The following ARMH3 variants were observed in gnomAD, a reference collection of about 807,000 sequenced individuals.
The protein encoded by ARMH3 is armadillo-like helical domain-containing protein 3.
In ARMH3, 60 loss-of-function variants were observed where a neutral mutation model predicts 99.1. That is an observed-to-expected ratio of 0.61 (90% CI 0.49 to 0.75). The LOEUF (loss-of-function observed/expected upper bound fraction) is 0.75, where lower values mean the gene tolerates loss of function less well. ARMH3 is among the 30% of genes least tolerant of loss of function. The probability of loss-of-function intolerance (pLI) is 0.00; values close to 1 mark genes in which losing one functional copy is unlikely to be tolerated. For missense variants in ARMH3, 679 were observed against 843.1 expected (o/e 0.81, Z 2.41); for synonymous variants, 285 against 292.8 (o/e 0.97, Z 0.27).
Position 102,033,312 on chromosome 10 carries a change from G to A in ARMH3, c.130C>T (p.Arg44Trp), listed in dbSNP as rs748300414. Residue 44 changes from arginine (R) to tryptophan (W), a missense_variant, in exon 3 of 26, where the codon CGG becomes TGG. This residue lies in a region of ARMH3 where 280 missense variants were observed against 354.6 expected (regional missense o/e 0.79). Transcript: ENST00000370033. ...MTEDPSKCSP[R>W]FWEELFLMKV... ...ATGAGAAAGAGCTCCTCCCAAAACC[G>A]AGGACTGCACTTACTGGGGTCCTCT... 5.0e-5 allele frequency: 81 copies of A among 1,613,960 alleles called. 1 individual carries two copies. Among genetic ancestry groups the A allele is most frequent in the Non-Finnish European group, 5.9e-5 (70 of 1,180,018 alleles).
intron 1 of ARMH3, among the ~76,000 whole-genome samples, chr10:102,052,866 T>C (rs2067740138): frequency 6.6e-6 from 1 of 152,128 alleles, no homozygotes; most frequent in Admixed American, 6.6e-5. Context: ...CATCGGTACA[T>C]CCTACAAGCA....
chr10:101,894,714 T>C (rs1471534921), intron 23 of ARMH3, among the ~76,000 whole-genome samples: 1 of 151,958 alleles, frequency 6.6e-6, no homozygotes, highest in Non-Finnish European at 1.5e-5. Context: ...TTCTGGGAGA[T>C]TCTAACAGTA....
chr10:101,859,436 AG>A, intron 24 of ARMH3, among the ~76,000 whole-genome samples: 1 of 152,218 alleles, frequency 6.6e-6, no homozygotes, highest in Non-Finnish European at 1.5e-5. Flanking sequence ...CCTGAAAGGC[AG>A]ATTCTTCAAG....
chr10:102,023,628 T>C (rs371354259), intron 7 of ARMH3, 47 bp downstream of exon 7: 142 of 1,610,128 alleles, frequency 8.8e-5, no homozygotes, highest in Admixed American at 6.7e-4. Flanking sequence ...CAGAGAAAAT[T>C]TGAAGAGGTG....
At chr10:102,005,358 A>G (rs1001841488) in intron 14 of ARMH3, among the ~76,000 whole-genome samples, 6 of 149,332 alleles carry the variant, frequency 4.0e-5, no homozygotes, top group Admixed American at 2.0e-4. Context: ...ACTCTAGCCT[A>G]AATGACAGCA....
chr10:101,919,813 C>T (rs764594920), intron 23 of ARMH3, among the ~76,000 whole-genome samples: 1 of 152,130 alleles, frequency 6.6e-6, no homozygotes, highest in Non-Finnish European at 1.5e-5. Context: ...TCCTTCAAAC[C>T]TTTTACTCTA....
At chr10:101,921,381 C>T (rs1843299761) in intron 23 of ARMH3, among the ~76,000 whole-genome samples, 2 of 152,116 alleles carry the variant, frequency 1.3e-5, no homozygotes, top group Admixed American at 1.3e-4. Flanking sequence ...CATGAGGGAA[C>T]TTTCTAGGTT....
intron 8 of ARMH3, among the ~76,000 whole-genome samples, chr10:102,020,847 CAAA>C (rs1332174201): frequency 1.0e-4 from 7 of 67,586 alleles, no homozygotes; most frequent in Non-Finnish European, 5.9e-5. Context: ...GACTCTGTCT[CAAA>C]AAAAAAAAAA....
chr10:102,007,587 G>A (rs778493552), intron 13 of ARMH3, among the ~76,000 whole-genome samples: 15 of 148,672 alleles, frequency 1.0e-4, no homozygotes, highest in East Asian at 5.9e-4. Flanking sequence ...TTGGGAGGCC[G>A]AGGCAGATGG....
intron 24 of ARMH3, among the ~76,000 whole-genome samples, chr10:101,854,692 A>G (rs1186614663): frequency 3.3e-5 from 5 of 152,178 alleles, no homozygotes; most frequent in African/African-American, 1.2e-4. Flanking sequence ...CATCAAGAAC[A>G]TAGGATTGAG....
chr10:101,948,036 A>G (rs1844626781), intron 22 of ARMH3, among the ~76,000 whole-genome samples: 2 of 152,152 alleles, frequency 1.3e-5, no homozygotes, highest in Admixed American at 6.5e-5. Context: ...GCAGGTACAG[A>G]AGAGCCAAAA....
chr10:101,941,073 G>A (rs995569628), intron 22 of ARMH3, among the ~76,000 whole-genome samples: 2 of 152,190 alleles, frequency 1.3e-5, no homozygotes, highest in African/African-American at 4.8e-5. Flanking sequence ...AGACTCAGAG[G>A]AGACAAGTAC....
intron 25 of ARMH3, among the ~76,000 whole-genome samples, chr10:101,848,509 T>A (rs568661620): frequency 6.6e-6 from 1 of 152,286 alleles, no homozygotes; most frequent in South Asian, 2.1e-4. Flanking sequence ...GAGGAGAGTG[T>A]GTCTGCCCTG....
intron 1 of ARMH3, among the ~76,000 whole-genome samples, chr10:102,043,992 C>CT (rs1273829895): frequency 1.3e-5 from 2 of 152,108 alleles, no homozygotes; most frequent in African/African-American, 4.8e-5. Context: ...TCTCGGCTCA[C>CT]TGCAACCTCC....
chr10:101,888,075 A>G (rs1367376744), intron 24 of ARMH3, among the ~76,000 whole-genome samples: 4 of 146,590 alleles, frequency 2.7e-5, no homozygotes, highest in African/African-American at 1.0e-4. Context: ...TTTTTTTTTA[A>G]AAAAAAAAAA....
intron 23 of ARMH3, among the ~76,000 whole-genome samples, chr10:101,894,653 C>T (rs1368096560): frequency 3.9e-5 from 6 of 152,160 alleles, no homozygotes; most frequent in Non-Finnish European, 4.4e-5. Context: ...TCACTGATAG[C>T]ACCTCCAAAA....
Position 102,033,520 on chromosome 10 carries a change from G to A in ARMH3, c.103-181C>T, listed in dbSNP as rs910383084. On this transcript the variant is annotated intron_variant, in intron 2 of 25. Coordinates refer to ENST00000370033, the MANE Select transcript of ARMH3 (RefSeq NM_024541.3). The stretch of plus-strand genomic sequence containing the variant: ...GCAGGCTCCGCCCCCCAGGGTTCAC[G>A]CCATTCCCCCGCCTCAGCCTCCTGA... 10 of 609,694 alleles carry A rather than the reference G, an allele frequency of 1.6e-5. No homozygotes were observed. The East Asian group carries it at 1.8e-4, about 11-fold the overall frequency. The allele number at this position is 609,694 out of a possible 1,614,324, so 37.8% of individuals were successfully genotyped here.
chr10:101,910,827 GT>G (rs931699398), intron 23 of ARMH3, among the ~76,000 whole-genome samples: 10 of 145,436 alleles, frequency 6.9e-5, no homozygotes, highest in African/African-American at 1.3e-4. Flanking sequence ...ACACATTCAG[GT>G]TTTTTTTTTG....
At chr10:102,053,551 C>T (rs77707352) in intron 1 of ARMH3, among the ~76,000 whole-genome samples, 7,442 of 152,046 alleles carry the variant, frequency 0.049, 197 homozygotes, top group Middle Eastern at 0.095. Flanking sequence ...CCTTTTCTTA[C>T]TTGTGCAATC....
Sources: gnomAD v4.1 joint callset for allele counts (sites outside exome capture counted in the v4.1 genomes callset) on GRCh38, gnomAD v4.1.1 for gene constraint, gnomAD v4.1.1 regional missense constraint, MANE v1.5 for transcripts, NCBI Gene and HGNC (gene_info 2026-07-23, HGNC 2026-07-21) for gene names.